UTRN: variants seen among roughly 807,000 people sequenced by gnomAD.
UTRN encodes the protein utrophin.
UTRN carries 283 observed loss-of-function variants against 463.9 expected under a neutral mutation model. That is an observed-to-expected ratio of 0.61 (90% CI 0.55 to 0.67). The LOEUF is 0.67. Ranked by LOEUF, UTRN falls within the 30% of genes least tolerant of loss-of-function variation. The pLI is 0.00. For synonymous variants in UTRN, 1,442 were observed against 1,431.5 expected, an observed-to-expected ratio of 1.01 and a Z score of -0.17; for missense variants, 3,922 against 4,084.3, an observed-to-expected ratio of 0.96 and a Z score of 1.08.
At chr6:144,671,148 GT>G (rs34224093) in intron 51 of UTRN, among the ~76,000 whole-genome samples, 84,411 of 147,974 alleles carry the variant, frequency 0.57, 25,284 homozygotes, top group East Asian at 0.86. Flanking sequence ...GAATTTTAGA[GT>G]TTTTTTTTTT....
intron 34 of UTRN, among the ~76,000 whole-genome samples, chr6:144,509,615 A>G (rs1795008628): frequency 6.6e-6 from 1 of 152,122 alleles, no homozygotes; most frequent in Non-Finnish European, 1.5e-5. Flanking sequence ...AATAACCACC[A>G]TCTTTTTATC....
chr6:144,798,773 ACT>A (rs1777454037), intron 64 of UTRN, among the ~76,000 whole-genome samples: 1 of 152,126 alleles, frequency 6.6e-6, no homozygotes, highest in Non-Finnish European at 1.5e-5. Context: ...ACCAAGTCCC[ACT>A]CTGTCACCCA....
rs753722581 is a variant in UTRN at position 144,789,196 on chromosome 6, G to T, written c.8837G>T (p.Gly2946Val). 2 of 1,612,554 alleles carry T rather than the reference G, an allele frequency of 1.2e-6. No individual in the cohort carries two copies. Among genetic ancestry groups the T allele is most frequent in the South Asian group, 2.2e-5 (2 of 90,788 alleles). Reference sequence around the variant, plus strand: ...CATTAACATTCTTATAATTTTAGGGGTCGAACTGGAAAAATTAGAGTGCAG... The same window carrying T: ...CATTAACATTCTTATAATTTTAGGGTTCGAACTGGAAAAATTAGAGTGCAG... ...LNWLLNVYDTGRTGKIRVQSL... is the reference protein window; with the variant it reads ...LNWLLNVYDTVRTGKIRVQSL... Residue 2946 changes from glycine (G) to valine (V), a missense_variant and splice_region_variant, in exon 62 of 75, where the codon GGT (glycine) becomes GTT (valine). By Grantham distance (109) the Gly-to-Val change is moderately radical. Around this residue, in one of 3 missense-constraint regions of UTRN, gnomAD observed 1,309 missense variants for 1,452.6 expected, o/e 0.90. Transcript: ENST00000367545.
chr6:144,557,740 G>T (rs1236911317), intron 50 of UTRN, among the ~76,000 whole-genome samples: 1 of 152,032 alleles, frequency 6.6e-6, no homozygotes, highest in Non-Finnish European at 1.5e-5. Flanking sequence ...AGACACACAT[G>T]GATCCAACAC....
At chr6:144,315,280 C>G (rs553537494) in intron 2 of UTRN, among the ~76,000 whole-genome samples, 1 of 152,200 alleles carries the variant, frequency 6.6e-6, no homozygotes, top group East Asian at 1.9e-4. Flanking sequence ...AAGTGGGGTC[C>G]CTGGCCTGAA....
chr6:144,566,365 A>G lies in UTRN; in HGVS notation c.7289+9054A>G, dbSNP rs189579449. 1.1e-4 allele frequency among the ~76,000 whole-genome samples: 17 copies of G among 152,264 alleles called. No individual in the cohort carries two copies. The East Asian group carries it at 2.1e-3, about 19-fold the overall frequency. On this transcript the variant is annotated intron_variant, in intron 50 of 74. Transcript: ENST00000367545. ...AGTAATGAGTGCCTATTTGTGGTTT[A>G]TATTATTAAATGTAAGGAAAGGTAG...
chr6:144,658,798 T>C (rs574819368), intron 51 of UTRN, among the ~76,000 whole-genome samples: 16 of 152,240 alleles, frequency 1.1e-4, no homozygotes, highest in Non-Finnish European at 2.1e-4. Context: ...ACAAAGAATT[T>C]ATAATTTGGA....
At chr6:144,829,655 G>T in intron 69 of UTRN, among the ~76,000 whole-genome samples, 1 of 150,960 alleles carries the variant, frequency 6.6e-6, no homozygotes. Flanking sequence ...GATCTGATGG[G>T]AATCTGTAAA....
intron 5 of UTRN, 98 bp downstream of exon 5, chr6:144,423,724 T>C: frequency 1.4e-6 from 2 of 1,385,878 alleles, no homozygotes; most frequent in East Asian, 2.3e-5. Flanking sequence ...CCACTGATTC[T>C]TGCAAACATT....
chr6:144,589,475 G>A (rs536485621), intron 51 of UTRN, among the ~76,000 whole-genome samples: 7 of 152,160 alleles, frequency 4.6e-5, no homozygotes, highest in East Asian at 3.9e-4. Flanking sequence ...GCTAGTATGC[G>A]GTGCAGCTTG....
At chr6:144,841,979 A>C (rs1323627541) in intron 73 of UTRN, among the ~76,000 whole-genome samples, 2 of 151,962 alleles carry the variant, frequency 1.3e-5, no homozygotes, top group Non-Finnish European at 2.9e-5. Flanking sequence ...GCATGGTGGC[A>C]TGCACTTGTA....
intron 51 of UTRN, among the ~76,000 whole-genome samples, chr6:144,613,441 C>A (rs945466651): frequency 6.6e-6 from 1 of 152,054 alleles, no homozygotes; most frequent in Non-Finnish European, 1.5e-5. Context: ...TTTGATTGAT[C>A]ATGCCGTGTT....
intron 2 of UTRN, among the ~76,000 whole-genome samples, chr6:144,336,718 C>CT (rs573632993): frequency 1.5e-4 from 22 of 149,204 alleles, no homozygotes; most frequent in Non-Finnish European, 2.5e-4. Flanking sequence ...CTCCCTCTTT[C>CT]TTTTTTTTTT....
intron 13 of UTRN, among the ~76,000 whole-genome samples, chr6:144,442,805 G>A (rs1315104474): frequency 2.6e-5 from 4 of 152,126 alleles, no homozygotes; most frequent in African/African-American, 9.7e-5. Flanking sequence ...GGAGACACAG[G>A]CAAACCATAT....
chr6:144,748,063 A>G (rs1790956804), intron 54 of UTRN, among the ~76,000 whole-genome samples, 183 bp from the exon 55 acceptor site: 1 of 152,224 alleles, frequency 6.6e-6, no homozygotes, highest in Admixed American at 6.5e-5. Context: ...GATTAAATGT[A>G]GCAGAGAATT....
At chr6:144,656,013 T>A (rs1779273509) in intron 51 of UTRN, among the ~76,000 whole-genome samples, 1 of 152,230 alleles carries the variant, frequency 6.6e-6, no homozygotes, top group African/African-American at 2.4e-5. Flanking sequence ...TGCTGAGTTT[T>A]CCTGTGCTTC....
chr6:144,396,712 GT>G (rs1782459243), intron 2 of UTRN, among the ~76,000 whole-genome samples: 1 of 152,116 alleles, frequency 6.6e-6, no homozygotes, highest in Non-Finnish European at 1.5e-5. Flanking sequence ...CATAAAACAG[GT>G]TTTTAAAAAG....
At chr6:144,842,073 G>A (rs1424689855) in intron 73 of UTRN, among the ~76,000 whole-genome samples, 2 of 124,912 alleles carry the variant, frequency 1.6e-5, no homozygotes, top group South Asian at 2.6e-4. Flanking sequence ...TCGTGCCACC[G>A]CACTCCAGCC....
At chr6:144,489,968 C>A in intron 30 of UTRN, 103 bp from the exon 31 acceptor site, 3 of 1,465,276 alleles carry the variant, frequency 2.0e-6, no homozygotes, top group East Asian at 2.4e-5. Context: ...ATGTAAAATA[C>A]GATATCATGT....
Sources: allele counts gnomAD v4.1 joint callset (sites outside exome capture counted in the v4.1 genomes callset), GRCh38; gene constraint gnomAD v4.1.1; regional missense constraint gnomAD v4.1.1; transcripts MANE v1.5; gene names NCBI Gene and HGNC (gene_info 2026-07-23, HGNC 2026-07-21).